The following LIMA1 variants were observed in gnomAD, a reference collection of about 807,000 sequenced individuals.
The protein encoded by LIMA1 is LIM domain and actin-binding protein 1.
A neutral mutation model predicts 62.6 loss-of-function variants in LIMA1; 52 were observed. The ratio of observed to expected loss-of-function variants is 0.83; its 90% CI spans 0.67 to 1.05. The LOEUF (loss-of-function observed/expected upper bound fraction) is 1.05. LIMA1 is among the 50% of genes least tolerant of loss of function. The probability of loss-of-function intolerance (pLI) is 0.00; values close to 1 mark genes in which losing one functional copy is unlikely to be tolerated. For synonymous variants in LIMA1, 302 were observed against 317.8 expected (o/e 0.95, Z 0.53); for missense variants, 780 against 902.2 (o/e 0.86, Z 1.74).
chr12:50,178,011 G>C lies in LIMA1; in HGVS notation c.1333C>G (p.Leu445Val). 6.3e-7 allele frequency: 1 copy of C among 1,587,804 alleles called. No homozygotes were observed. ...TCATAGTTGCCCTTAGATTTAAAGA[G>C]TTGATTGAAGTGAGGCTTACAATAG... The part of the protein sequence containing the change: ...RIYCKPHFNQ[L>V]FKSKGNYDEG... Residue 445 changes from leucine to valine, a missense_variant, in exon 11 of 11, where the codon CTC becomes GTC. Transcript: ENST00000341247.
chr12:50,251,436 C>T (rs1941928755), intron 1 of LIMA1, among the ~76,000 whole-genome samples: 1 of 151,970 alleles, frequency 6.6e-6, no homozygotes, highest in Admixed American at 6.5e-5. Flanking sequence ...GCCTGACCAA[C>T]ATGGTGAAAC....
Position 50,177,470 on chromosome 12 carries a change from G to A in LIMA1, c.1874C>T (p.Ser625Phe), listed in dbSNP as rs994395012. 7.4e-6 allele frequency: 12 copies of A among 1,613,880 alleles called. No homozygotes were observed. Among genetic ancestry groups the A allele is most frequent in the Non-Finnish European group, 1.0e-5 (12 of 1,180,030 alleles). ...CCTTTCTGCAACTCTTCCACCCACA[G>A]ACTCTTCACTCTGCTCTGACATGCT... ...GWSMSEQSEESVGGRVAERKQ... is the reference protein window; with the variant it reads ...GWSMSEQSEEFVGGRVAERKQ... Residue 625 changes from serine to phenylalanine, a missense_variant, in exon 11 of 11, where the codon TCT becomes TTT. By Grantham distance (155) the Ser-to-Phe change is radical. Transcript: ENST00000341247.
intron 4 of LIMA1, among the ~76,000 whole-genome samples, chr12:50,212,883 C>T (rs1271679794): frequency 1.3e-5 from 2 of 152,148 alleles, no homozygotes; most frequent in Admixed American, 6.5e-5. Context: ...GGTATGATCT[C>T]AGCTCACTGC....
intron 2 of LIMA1, among the ~76,000 whole-genome samples, chr12:50,236,595 G>A (rs1046077909): frequency 6.6e-5 from 10 of 151,458 alleles, no homozygotes; most frequent in East Asian, 3.9e-4. Flanking sequence ...CACCGCACCC[G>A]GCCGGAAAAG....
chr12:50,224,404 T>A (rs537719463), intron 3 of LIMA1: 1 of 152,336 alleles, frequency 6.6e-6, no homozygotes, highest in African/African-American at 2.4e-5. Flanking sequence ...GCATCAGAGA[T>A]ATAAGAAGCT....
intron 4 of LIMA1, among the ~76,000 whole-genome samples, chr12:50,221,383 C>T (rs549932983): frequency 6.6e-6 from 1 of 152,146 alleles, no homozygotes; most frequent in African/African-American, 2.4e-5. Flanking sequence ...CCTCTGGGGA[C>T]GAGGTCTGCA....
chr12:50,200,663 G>T, intron 7 of LIMA1, 114 bp downstream of exon 7: 2 of 1,187,414 alleles, frequency 1.7e-6, no homozygotes, highest in Non-Finnish European at 1.2e-6. Context: ...CCTGGCAGCT[G>T]TTACCAAATT....
chr12:50,177,373 T>G lies in LIMA1; in HGVS notation c.1971A>C (p.Glu657Asp). The G allele has an allele frequency of 6.2e-7, 1 of 1,614,210 alleles. No homozygotes were observed. Among genetic ancestry groups the G allele is most frequent in the Non-Finnish European group, 8.5e-7 (1 of 1,180,036 alleles). The change falls in exon 11 of 11, where the codon GAA becomes GAC. Residue 657 changes from glutamate to aspartate, a missense_variant. Physicochemically the swap from Glu to Asp is conservative, Grantham distance 45. Transcript: ENST00000341247. ...TTCTCTTCCCTGTCTCTCCTTTAGA[T>G]TCTTTGTTTTGCCAGGTTGTTTTTC... ...NVGKTTWQNK[E>D]SKGETGKRSK... is the part of the protein sequence containing the mutation.
At chr12:50,202,392 A>T (rs914801694) in intron 6 of LIMA1, among the ~76,000 whole-genome samples, 1 of 152,158 alleles carries the variant, frequency 6.6e-6, no homozygotes, top group Non-Finnish European at 1.5e-5. Flanking sequence ...AGGAGTTAAA[A>T]AAAAAAAGTT....
intron 4 of LIMA1, among the ~76,000 whole-genome samples, chr12:50,214,825 T>C (rs1342200329): frequency 6.6e-6 from 1 of 152,232 alleles, no homozygotes; most frequent in South Asian, 2.1e-4. Context: ...ATGCAATTAA[T>C]ACAATTATGA....
At chr12:50,195,783 A>T in intron 8 of LIMA1, 47 bp downstream of exon 8, 1 of 1,564,308 alleles carries the variant, frequency 6.4e-7, no homozygotes, top group South Asian at 1.2e-5. Flanking sequence ...CCAAATACAG[A>T]TAGAAAACAA....
In LIMA1 at chr12:50,175,922, G is replaced by C. The variant is rs1050417714; in HGVS notation, c.*1142C>G. 2 of 152,088 alleles carry C rather than the reference G, an allele frequency of 1.3e-5. No homozygotes were observed. The highest frequency in any genetic ancestry group is 4.8e-5 in the African/African-American group (2 of 41,420). The allele number at this position is 152,088 out of a possible 1,614,324, so 9.4% of individuals were successfully genotyped here. A position where few individuals can be genotyped will look rare whatever the true frequency, so the allele number is the denominator to read the frequency against. ...AATGCAGTACAAAGAAAAGCCTACA[G>C]CTTAAGACACCTCTCCCTCCCATCC... On this transcript the variant is annotated 3_prime_UTR_variant, in exon 11 of 11. Transcript: ENST00000341247.
intron 8 of LIMA1, 154 bp downstream of exon 8, chr12:50,195,676 A>C: frequency 1.7e-6 from 1 of 589,586 alleles, no homozygotes; most frequent in Non-Finnish European, 2.7e-6. Context: ...TAAGCCATGA[A>C]GTGTGTAAAG....
chr12:50,275,595 C>CT (rs796109777), intron 1 of LIMA1, among the ~76,000 whole-genome samples: 9 of 151,670 alleles, frequency 5.9e-5, no homozygotes, highest in African/African-American at 2.2e-4. Context: ...TTAGAAAAGG[C>CT]TTTTTTTTAT....
At chr12:50,265,273 C>A (rs1395940553) in intron 1 of LIMA1, among the ~76,000 whole-genome samples, 1 of 152,148 alleles carries the variant, frequency 6.6e-6, no homozygotes, top group Non-Finnish European at 1.5e-5. Flanking sequence ...GTAATCCCAG[C>A]ACTTTGGGAG....
intron 2 of LIMA1, among the ~76,000 whole-genome samples, chr12:50,240,515 C>T (rs538249201): frequency 3.9e-5 from 6 of 152,030 alleles, no homozygotes; most frequent in South Asian, 2.1e-4. Flanking sequence ...AGATATATTT[C>T]GAGAAAGAAT....
chr12:50,188,308 C>T (rs190564105), intron 9 of LIMA1: 1 of 152,314 alleles, frequency 6.6e-6, no homozygotes, highest in Non-Finnish European at 1.5e-5. Flanking sequence ...TGTTCATAGT[C>T]TGCAGCCATG....
chr12:50,258,937 C>T (rs576995120), intron 1 of LIMA1, among the ~76,000 whole-genome samples: 25 of 152,184 alleles, frequency 1.6e-4, no homozygotes, highest in African/African-American at 5.5e-4. Flanking sequence ...TGAGTCACCG[C>T]GCCCAGCCCT....
At chr12:50,232,968 C>T (rs756191551) in intron 2 of LIMA1, among the ~76,000 whole-genome samples, 13 of 152,160 alleles carry the variant, frequency 8.5e-5, no homozygotes, top group African/African-American at 1.2e-4. Context: ...GCCTAGGTGA[C>T]GGAGCGAGAT....
Sources: allele counts gnomAD v4.1 joint callset (sites outside exome capture counted in the v4.1 genomes callset), GRCh38; gene constraint gnomAD v4.1.1; transcripts MANE v1.5; gene names NCBI Gene and HGNC (gene_info 2026-07-23, HGNC 2026-07-21).